Variants in CCSER1 observed in about 807,000 individuals in gnomAD.
CCSER1 encodes the protein coiled-coil serine rich protein 1, also known as serine-rich coiled-coil domain-containing protein 1.
In CCSER1, 41 loss-of-function variants were observed where a neutral mutation model predicts 82.0. The ratio of observed to expected loss-of-function variants is 0.50; its 90% CI spans 0.39 to 0.65. The LOEUF is 0.65. Ranked by LOEUF, CCSER1 falls within the 30% of genes least tolerant of loss-of-function variation. The probability of loss-of-function intolerance (pLI) is 0.00; values close to 1 mark genes in which losing one functional copy is unlikely to be tolerated. For missense variants in CCSER1, 1,119 were observed against 1,064.2 expected (o/e 1.05, Z -0.72); for synonymous variants, 414 against 383.9 (o/e 1.08, Z -0.92).
chr4:90,598,498 T>C (rs1473684552), intron 5 of CCSER1, among the ~76,000 whole-genome samples: 2 of 152,206 alleles, frequency 1.3e-5, no homozygotes. Context: ...TTTTTGATAA[T>C]AGCCATCCTA....
At chr4:90,662,936 TG>T (rs1478787951) in intron 6 of CCSER1, among the ~76,000 whole-genome samples, 1 of 152,196 alleles carries the variant, frequency 6.6e-6, no homozygotes, top group Admixed American at 6.5e-5. Context: ...TTAGAAATAC[TG>T]AGGCAACAAA....
chr4:91,225,681 T>G (rs1738143199), intron 10 of CCSER1, among the ~76,000 whole-genome samples: 1 of 151,832 alleles, frequency 6.6e-6, no homozygotes, highest in Non-Finnish European at 1.5e-5. Flanking sequence ...CTGCATGTTT[T>G]GTTGCCATAA....
At chr4:90,170,549 AC>A (rs1354820134) in intron 1 of CCSER1, among the ~76,000 whole-genome samples, 1 of 151,758 alleles carries the variant, frequency 6.6e-6, no homozygotes, top group Non-Finnish European at 1.5e-5. Flanking sequence ...GTCTCTGGTA[AC>A]CATTCTGCTA....
At chr4:91,168,788 G>T (rs910484231) in intron 10 of CCSER1, among the ~76,000 whole-genome samples, 23 of 152,094 alleles carry the variant, frequency 1.5e-4, no homozygotes, top group African/African-American at 5.6e-4. Context: ...AAGAAAGAGA[G>T]ATCAGATTGT....
intron 10 of CCSER1, among the ~76,000 whole-genome samples, chr4:91,556,286 A>T (rs567769289): frequency 3.8e-5 from 3 of 78,642 alleles, no homozygotes; most frequent in Non-Finnish European, 7.4e-5. Flanking sequence ...TACCCAACTT[A>T]TCTGTAAACT....
intron 10 of CCSER1, among the ~76,000 whole-genome samples, chr4:91,117,993 A>T (rs1726774310): frequency 6.6e-6 from 1 of 152,150 alleles, no homozygotes; most frequent in Non-Finnish European, 1.5e-5. Context: ...ATCTATTGTA[A>T]ATTGTTTTGT....
chr4:91,515,254 A>G (rs936115395), intron 10 of CCSER1, among the ~76,000 whole-genome samples: 2 of 152,048 alleles, frequency 1.3e-5, no homozygotes, highest in Non-Finnish European at 2.9e-5. Flanking sequence ...GTTTGTTAAT[A>G]TAGGTAAAGT....
chr4:90,463,483 TA>T (rs1763212244), intron 4 of CCSER1, among the ~76,000 whole-genome samples: 1 of 152,116 alleles, frequency 6.6e-6, no homozygotes, highest in Non-Finnish European at 1.5e-5. Flanking sequence ...ACAGTAAGAG[TA>T]AATGCACAGT....
At chr4:91,032,470 G>A (rs573941966) in intron 9 of CCSER1, among the ~76,000 whole-genome samples, 1 of 152,242 alleles carries the variant, frequency 6.6e-6, no homozygotes, top group African/African-American at 2.4e-5. Context: ...CAACGTGTAC[G>A]ATTGCAGAAA....
intron 6 of CCSER1, among the ~76,000 whole-genome samples, chr4:90,646,536 C>A (rs1332647518): frequency 6.6e-6 from 1 of 152,068 alleles, no homozygotes; most frequent in African/African-American, 2.4e-5. Context: ...TTCTACCCAA[C>A]CTTGCAAAAA....
At chr4:90,849,677 T>C (rs971325449) in intron 8 of CCSER1, among the ~76,000 whole-genome samples, 10 of 149,984 alleles carry the variant, frequency 6.7e-5, no homozygotes, top group Non-Finnish European at 1.5e-4. Context: ...TAGTCCCAGC[T>C]ACTTGGGAGG....
At chr4:91,323,397 C>A (rs1257781148) in intron 10 of CCSER1, among the ~76,000 whole-genome samples, 3 of 152,158 alleles carry the variant, frequency 2.0e-5, no homozygotes, top group African/African-American at 7.2e-5. Flanking sequence ...TTTTATCTAG[C>A]ACCCATGGAA....
intron 7 of CCSER1, among the ~76,000 whole-genome samples, chr4:90,737,813 G>T (rs979668878): frequency 6.6e-6 from 1 of 152,092 alleles, no homozygotes; most frequent in Non-Finnish European, 1.5e-5. Flanking sequence ...CCCTGACTAT[G>T]TATTTTCAAA....
At chr4:91,241,540 A>T (rs1739365363) in intron 10 of CCSER1, among the ~76,000 whole-genome samples, 1 of 147,594 alleles carries the variant, frequency 6.8e-6, no homozygotes, top group African/African-American at 2.5e-5. Flanking sequence ...GTTAGCCAGG[A>T]TGGTCTCGAT....
intron 1 of CCSER1, among the ~76,000 whole-genome samples, chr4:90,141,706 A>C (rs1412107308): frequency 1.3e-5 from 2 of 152,242 alleles, no homozygotes; most frequent in African/African-American, 4.8e-5. Flanking sequence ...ATGAAAATGC[A>C]CATTTCCAAC....
intron 5 of CCSER1, among the ~76,000 whole-genome samples, chr4:90,532,612 G>A (rs944694180): frequency 3.3e-5 from 5 of 152,102 alleles, no homozygotes; most frequent in Non-Finnish European, 7.4e-5. Context: ...TAGCATGAAA[G>A]GAGCCGTATA....
intron 9 of CCSER1, among the ~76,000 whole-genome samples, chr4:91,066,875 G>A (rs1369491540): frequency 2.0e-5 from 3 of 152,108 alleles, no homozygotes; most frequent in African/African-American, 7.2e-5. Flanking sequence ...CATAGAATAG[G>A]CCCTGTCCCG....
chr4:90,700,144 C>A (rs1367168721), intron 6 of CCSER1, among the ~76,000 whole-genome samples: 1 of 152,022 alleles, frequency 6.6e-6, no homozygotes, highest in East Asian at 1.9e-4. Flanking sequence ...CCACTCCCCT[C>A]ACCCCACAAC....
chr4:90,855,168 G>T (rs79213661), intron 8 of CCSER1, among the ~76,000 whole-genome samples: 27,580 of 152,046 alleles, frequency 0.18, 2,794 homozygotes, highest in South Asian at 0.27. Context: ...ATGAGATTTG[G>T]CTGGGGACAC....
Sources: allele counts gnomAD v4.1 joint callset (sites outside exome capture counted in the v4.1 genomes callset), GRCh38; gene constraint gnomAD v4.1.1; transcripts MANE v1.5; gene names NCBI Gene and HGNC (gene_info 2026-07-23, HGNC 2026-07-21).